SCGB2B2: variants seen among roughly 807,000 people sequenced by gnomAD.
SCGB2B2 encodes the protein secretoglobin-like protein.
A neutral mutation model predicts 7.6 loss-of-function variants in SCGB2B2; 11 were observed. The ratio of observed to expected loss-of-function variants is 1.45; its 90% CI spans 0.91 to 2.40. SCGB2B2 has a LOEUF of 2.40. Ranked by LOEUF, SCGB2B2 falls within the 30% of genes most tolerant of loss-of-function variation. SCGB2B2 has a pLI of 0.00. For missense variants in SCGB2B2, 104 were observed against 115.4 expected, an observed-to-expected ratio of 0.90 and a Z score of 0.45; for synonymous variants, 50 against 48.6, an observed-to-expected ratio of 1.03 and a Z score of -0.12.
chr19:34,602,385 T>C (rs577778838), intron 1 of SCGB2B2, among the ~76,000 whole-genome samples: 3 of 152,298 alleles, frequency 2.0e-5, no homozygotes, highest in African/African-American at 7.2e-5. Context: ...CCTTGAGTGG[T>C]TGGATTTTGG....
rs867084764 is a variant in SCGB2B2 at position 34,622,016 on chromosome 19, C to T, written c.-2031-25422G>A. On this transcript the variant is annotated intron_variant, in intron 1 of 3. Transcript: ENST00000601241. ...GAGGTGATTATCTGTTGGCCAGGGA[C>T]TTCTCTTAGAAGACAGCAGTTCTGC... Among the ~76,000 whole-genome samples the T allele has an allele frequency of 1.9e-3, 288 of 152,292 alleles. 2 individuals are homozygous for T. The highest frequency in any genetic ancestry group is 6.7e-3 in the African/African-American group (279 of 41,554).
intron 1 of SCGB2B2, among the ~76,000 whole-genome samples, chr19:34,649,006 G>A (rs1324312123): frequency 3.3e-5 from 5 of 152,100 alleles, no homozygotes; most frequent in African/African-American, 9.7e-5. Flanking sequence ...GGGTTCAAGC[G>A]ATTCTCCTGC....
chr19:34,634,712 A>G (rs180930051), intron 1 of SCGB2B2: 1 of 154,742 alleles, frequency 6.5e-6, no homozygotes, highest in African/African-American at 2.4e-5. Context: ...TTTTATATTT[A>G]ATGAGGTTGG....
Position 34,609,040 on chromosome 19 carries a change from G to A in SCGB2B2, c.-2031-12446C>T, listed in dbSNP as rs112586445. 9.1e-3 allele frequency among the ~76,000 whole-genome samples: 1,378 copies of A among 152,122 alleles called. 23 individuals carry two copies. The highest frequency in any genetic ancestry group is 0.032 in the African/African-American group (1,320 of 41,510). ...TACTGAGGTGAGATGATAGCTCACT[G>A]TGGTTTTGATTTGCATTTCCCTGAT... On this transcript the variant is annotated intron_variant, in intron 1 of 3. Transcript: ENST00000601241.
chr19:34,629,135 T>C (rs1433039393), intron 1 of SCGB2B2, among the ~76,000 whole-genome samples: 1 of 151,960 alleles, frequency 6.6e-6, no homozygotes, highest in African/African-American at 2.4e-5. Flanking sequence ...TAATAAGAGC[T>C]ATTTATGACA....
chr19:34,649,941 CT>C lies in SCGB2B2; in HGVS notation c.-2032+25688del, dbSNP rs140902715. Among the ~76,000 whole-genome samples the C allele has an allele frequency of 1.7e-3, 252 of 151,298 alleles. 3 individuals are homozygous for C. The East Asian group carries it at 0.047, about 28-fold the overall frequency. On this transcript the variant is annotated intron_variant, in intron 1 of 3. Transcript: ENST00000601241. ...TTCCAATGCCTGACCATCTGTTCTT[CT>C]TCTTCAAGTCAAGGGTGAACCCTCA...
chr19:34,613,990 A>G (rs1568431995), intron 1 of SCGB2B2, among the ~76,000 whole-genome samples: 2 of 152,128 alleles, frequency 1.3e-5, no homozygotes, highest in Non-Finnish European at 2.9e-5. Flanking sequence ...GAAAATTGCT[A>G]TTGGTCTACT....
In SCGB2B2 at chr19:34,594,673, GT is replaced by G; in HGVS notation, c.-111del. The G allele has an allele frequency of 1.4e-6, 1 of 727,040 alleles. No homozygotes were observed. Among genetic ancestry groups the G allele is most frequent in the South Asian group, 1.7e-5 (1 of 60,590 alleles). The allele number at this position is 727,040 out of a possible 1,614,324, so 45.0% of individuals were successfully genotyped here. A position where few individuals can be genotyped will look rare whatever the true frequency, so the allele number is the denominator to read the frequency against. ...TCTTCGTGTGTGTGTGTGTGTGTGT[GT>G]GTGTGTGTGTGTGTGTGTGTGTGTG... On this transcript the variant is annotated 5_prime_UTR_variant, in exon 2 of 4. An upstream open reading frame in the 5' UTR loses its in-frame stop. Coordinates refer to ENST00000601241, the MANE Select transcript of SCGB2B2 (RefSeq NM_001025591.4).
At chr19:34,608,754 T>A (rs2065852462) in intron 1 of SCGB2B2, 2 of 148,224 alleles carry the variant, frequency 1.3e-5, no homozygotes, top group Non-Finnish European at 3.0e-5. Flanking sequence ...CTGTGAATAG[T>A]GCTGCAATAA....
intron 1 of SCGB2B2, among the ~76,000 whole-genome samples, chr19:34,675,076 A>T (rs1237512989): frequency 1.3e-5 from 2 of 152,220 alleles, no homozygotes; most frequent in African/African-American, 4.8e-5. Flanking sequence ...TCTCATTAAC[A>T]ATTAAAAAAT....
At chr19:34,601,294 G>A (rs1474097732) in intron 1 of SCGB2B2, among the ~76,000 whole-genome samples, 1 of 152,194 alleles carries the variant, frequency 6.6e-6, no homozygotes, top group East Asian at 1.9e-4. Flanking sequence ...ACACACTAAA[G>A]CTTTAGTTCT....
intron 1 of SCGB2B2, among the ~76,000 whole-genome samples, chr19:34,617,001 T>A (rs573004819): frequency 5.3e-5 from 8 of 152,326 alleles, no homozygotes; most frequent in African/African-American, 1.4e-4. Context: ...GTTGTAGATA[T>A]GCGGCATTAT....
At chr19:34,673,432 T>C (rs1213903672) in intron 1 of SCGB2B2, among the ~76,000 whole-genome samples, 1 of 152,184 alleles carries the variant, frequency 6.6e-6, no homozygotes, top group East Asian at 1.9e-4. Flanking sequence ...AAGAGGGTTC[T>C]TGGATCTTGT....
downstream of SCGB2B2, among the ~76,000 whole-genome samples, chr19:34,589,922 G>A (rs939351116): frequency 6.6e-6 from 1 of 152,188 alleles, no homozygotes; most frequent in African/African-American, 2.4e-5. Flanking sequence ...TGTGGGGATG[G>A]CCTGGAGCCC....
At chr19:34,621,303 C>A (rs2066234622) in intron 1 of SCGB2B2, among the ~76,000 whole-genome samples, 1 of 152,056 alleles carries the variant, frequency 6.6e-6, no homozygotes, top group Admixed American at 6.6e-5. Flanking sequence ...AAGAACAGGG[C>A]TAGGAAAGCA....
rs187258955 is a variant in SCGB2B2, at chr19:34,614,845, T to C, written c.-2031-18251A>G. 9.8e-5 allele frequency among the ~76,000 whole-genome samples: 15 copies of C among 152,348 alleles called. No individual in the cohort carries two copies. In the East Asian group the frequency reaches 2.9e-3, roughly 29 times the overall value. On this transcript the variant is annotated intron_variant, in intron 1 of 3. Coordinates refer to ENST00000601241, the MANE Select transcript of SCGB2B2 (RefSeq NM_001025591.4). ...CTGTTTCCAAATTAGTATAGTGGTA[T>C]GGTCTACATGTAGTTTCCTTATCTG... is the stretch of plus-strand genomic sequence containing the variant.
chr19:34,640,101 A>G (rs2066798934), intron 1 of SCGB2B2, among the ~76,000 whole-genome samples: 1 of 152,140 alleles, frequency 6.6e-6, no homozygotes, highest in African/African-American at 2.4e-5. Context: ...AAAACACTTA[A>G]TAGAATATCA....
downstream of SCGB2B2, among the ~76,000 whole-genome samples, chr19:34,587,454 TA>T (rs1423463344): frequency 2.0e-5 from 3 of 152,218 alleles, no homozygotes; most frequent in South Asian, 2.1e-4. Flanking sequence ...TTTCTGTTCA[TA>T]AGATCATGTC....
intron 1 of SCGB2B2, among the ~76,000 whole-genome samples, chr19:34,649,174 G>T (rs935208912): frequency 2.6e-5 from 4 of 152,166 alleles, no homozygotes; most frequent in Non-Finnish European, 4.4e-5. Context: ...CCAAAGTGCT[G>T]GGATTACAGA....
Sources: allele counts gnomAD v4.1 joint callset (sites outside exome capture counted in the v4.1 genomes callset), GRCh38; gene constraint gnomAD v4.1.1; transcripts MANE v1.5; gene names NCBI Gene and HGNC (gene_info 2026-07-23, HGNC 2026-07-21).